Variants in HK1 observed in about 807,000 individuals in gnomAD.
The protein encoded by HK1 is hexokinase-1.
In HK1, 28 loss-of-function variants were observed where a neutral mutation model predicts 91.6. That is an observed-to-expected ratio of 0.31 (90% CI 0.23 to 0.42). The LOEUF (loss-of-function observed/expected upper bound fraction) is 0.42. HK1 is among the 10% of genes least tolerant of loss of function. The pLI, the probability that HK1 is intolerant of heterozygous loss-of-function variation, is 1.00. For synonymous variants in HK1, 430 were observed against 468.1 expected, an observed-to-expected ratio of 0.92 and a Z score of 1.05; for missense variants, 770 against 1,219.8, an observed-to-expected ratio of 0.63 and a Z score of 5.49.
chr10:69,275,661 C>G (rs1844401467), intron 1 of HK1, among the ~76,000 whole-genome samples: 1 of 152,128 alleles, frequency 6.6e-6, no homozygotes, highest in Admixed American at 6.6e-5. Flanking sequence ...AAATAAGTGA[C>G]AGGTTGGATT....
At chr10:69,325,647 C>A (rs1011973696) in intron 1 of HK1, among the ~76,000 whole-genome samples, 2 of 149,930 alleles carry the variant, frequency 1.3e-5, no homozygotes, top group Non-Finnish European at 3.0e-5. Context: ...TGCCTCAGTG[C>A]CCCCCCCTGC....
intron 2 of HK1, among the ~76,000 whole-genome samples, chr10:69,348,328 C>T (rs955548354): frequency 4.6e-5 from 7 of 152,158 alleles, no homozygotes; most frequent in East Asian, 1.9e-4. Context: ...TTCCAGTCAA[C>T]GGAAGGAAAA....
Position 69,369,983 on chromosome 10 carries a change from C to G in HK1, c.875+359C>G, listed in dbSNP as rs1849916095. ...AAACTCCTGACTTCAAGCGATCTGC[C>G]TGCCTCAGCCTCCCAAAATGCTGGG... On this transcript the variant is annotated intron_variant, in intron 7 of 17. Coordinates refer to ENST00000359426, the MANE Select transcript of HK1 (RefSeq NM_000188.3). The surrounding 1 kb of genome is among the most constrained non-coding windows in gnomAD (Gnocchi z 4.4). Among the ~76,000 whole-genome samples, 1 of 152,220 alleles carries G rather than the reference C, an allele frequency of 6.6e-6. No homozygotes were observed. The highest frequency in any genetic ancestry group is 1.5e-5 in the Non-Finnish European group (1 of 68,040).
intron 3 of HK1, among the ~76,000 whole-genome samples, chr10:69,363,420 C>T (rs1849538967): frequency 6.6e-6 from 1 of 152,196 alleles, no homozygotes. Flanking sequence ...ACTCTGCTGC[C>T]CAGGCTGGAG....
intron 5 of HK1, among the ~76,000 whole-genome samples, chr10:69,306,528 C>G (rs1217012188): frequency 6.6e-6 from 1 of 152,114 alleles, no homozygotes; most frequent in East Asian, 1.9e-4. Context: ...CCTGAACCCA[C>G]AGTTCACATG....
chr10:69,395,146 G>A (rs759232570), intron 16 of HK1, 41 bp downstream of exon 16: 1 of 1,603,454 alleles, frequency 6.2e-7, no homozygotes, highest in Non-Finnish European at 8.5e-7. Context: ...CCACCCTTCA[G>A]AGGTCGCCTG....
intron 3 of HK1, among the ~76,000 whole-genome samples, chr10:69,293,392 G>A (rs544833444): frequency 1.3e-5 from 2 of 152,284 alleles, no homozygotes; most frequent in African/African-American, 4.8e-5. Context: ...AAACAGGCCA[G>A]CTTGCACATG....
rs758819258 is a variant in HK1, at chr10:69,382,837, G to A, written c.1570+46G>A. The A allele has an allele frequency of 1.9e-6, 3 of 1,589,340 alleles. No individual in the cohort carries two copies. In the Admixed American group the frequency reaches 5.3e-5, roughly 28 times the overall value. ...GACATGCCTGTCCTGCTCCTGCCAG[G>A]AACTGAGCCGCAGTGGGGGAGGTTG... On this transcript the variant is annotated intron_variant, in intron 10 of 17. Coordinates refer to ENST00000359426, the MANE Select transcript of HK1 (RefSeq NM_000188.3).
intron 5 of HK1, among the ~76,000 whole-genome samples, chr10:69,305,799 G>A (rs779072063): frequency 2.6e-4 from 39 of 151,528 alleles, no homozygotes; most frequent in Non-Finnish European, 4.7e-4. Flanking sequence ...TTTGCAGTGA[G>A]CCGAGATGAT....
chr10:69,364,831 A>G lies in HK1; in HGVS notation c.424A>G (p.Lys142Glu). 1 of 1,614,138 alleles carries G rather than the reference A, an allele frequency of 6.2e-7. No individual in the cohort carries two copies. The highest frequency in any genetic ancestry group is 8.5e-7 in the Non-Finnish European group (1 of 1,179,990). Residue 142 changes from lysine (K) to glutamate (E), a missense_variant, in exon 4 of 18, where the codon AAG (lysine) becomes GAG (glutamate). Lys to Glu is a moderately conservative substitution (Grantham distance 56). Around this residue, in one of 7 missense-constraint regions of HK1, gnomAD observed 449 missense variants for 665.1 expected, o/e 0.68. Transcript: ENST00000359426. ...CCTGGGAGATTTCATGGAGAAAAGGAAGATCAAGGACAAGAAGTTACCTGT... is the reference window on the plus strand; with the variant it reads ...CCTGGGAGATTTCATGGAGAAAAGGGAGATCAAGGACAAGAAGTTACCTGT... ...ECLGDFMEKR[K>E]IKDKKLPVGF... is the part of the protein sequence containing the mutation.
Position 69,401,005 on chromosome 10 carries a change from T to G in HK1, c.2624T>G (p.Met875Arg). 6.2e-7 allele frequency: 1 copy of G among 1,614,252 alleles called. No individual in the cohort carries two copies. The highest frequency in any genetic ancestry group is 8.5e-7 in the Non-Finnish European group (1 of 1,180,040). Residue 875 changes from methionine to arginine, a missense_variant, in exon 18 of 18, where the codon ATG (methionine) becomes AGG (arginine). Met to Arg is a moderately conservative substitution (Grantham distance 91). Around this residue, in one of 7 missense-constraint regions of HK1, gnomAD observed 78 missense variants for 99.0 expected, o/e 0.79. Transcript: ENST00000359426. ...YKLHPHFSRI[M>R]HQTVKELSPK... is the part of the protein sequence containing the mutation. Reference sequence around the variant, plus strand: ...GTCCTTTTTAGCTTCTCCAGAATCATGCACCAGACGGTGAAGGAACTGTCA... The same window carrying G: ...GTCCTTTTTAGCTTCTCCAGAATCAGGCACCAGACGGTGAAGGAACTGTCA...
Position 69,369,666 on chromosome 10 carries a change from G to A in HK1, c.875+42G>A. 6.5e-7 allele frequency: 1 copy of A among 1,546,688 alleles called. No individual in the cohort carries two copies. Among genetic ancestry groups the A allele is most frequent in the African/African-American group, 1.4e-5 (1 of 73,650 alleles). On this transcript the variant is annotated intron_variant, in intron 7 of 17. Transcript: ENST00000359426. This position sits in a 1 kb window ranked among gnomAD's most constrained non-coding sequence, Gnocchi z 4.4. Reference sequence around the variant, plus strand: ...TGCTTCTAACCACATATGTGAGTTAGGGGACATTTGATGAAAGATTTGGGA... The same window carrying A: ...TGCTTCTAACCACATATGTGAGTTAAGGGACATTTGATGAAAGATTTGGGA...
intron 14 of HK1, among the ~76,000 whole-genome samples, chr10:69,389,613 T>C (rs1839805717): frequency 6.7e-6 from 1 of 150,024 alleles, no homozygotes; most frequent in Non-Finnish European, 1.5e-5. Context: ...GGAGCGGGCC[T>C]GGCAAACATG....
At position 69,280,693 on chromosome 10, in the gene HK1, T is replaced by C. The variant is rs75799665; in HGVS notation, c.-390-1836T>C. On this transcript the variant is annotated intron_variant, in intron 1 of 21. Transcript: ENST00000360289. ...AAGGCTGTCTTTGAGAAATGAGCCC[T>C]CACCAGGCAGGCACCAAATCTGCTG... Among the ~76,000 whole-genome samples, 263 of 152,284 alleles carry C rather than the reference T, an allele frequency of 1.7e-3. 2 individuals carry two copies. The highest frequency in any genetic ancestry group is 5.8e-3 in the African/African-American group (240 of 41,550).
intron 7 of HK1, among the ~76,000 whole-genome samples, chr10:69,373,178 G>A (rs1850107814): frequency 6.6e-6 from 1 of 152,134 alleles, no homozygotes; most frequent in South Asian, 2.1e-4. Context: ...CATTAACCAG[G>A]TTTTAAAATC....
intron 2 of HK1, among the ~76,000 whole-genome samples, chr10:69,355,809 G>GAA (rs952896052): frequency 3.6e-4 from 53 of 147,630 alleles, no homozygotes; most frequent in Admixed American, 3.0e-3. Flanking sequence ...ACTTTGTCTC[G>GAA]AAAAAAAAAA....
At chr10:69,390,548 A>G (rs181801932) in intron 14 of HK1, among the ~76,000 whole-genome samples, 209 of 152,280 alleles carry the variant, frequency 1.4e-3, no homozygotes, top group African/African-American at 4.9e-3. Context: ...CTTGGGTGAA[A>G]AGGGGGCTGA....
At chr10:69,383,190 A>C (rs149471370) in intron 10 of HK1, among the ~76,000 whole-genome samples, 80 of 152,334 alleles carry the variant, frequency 5.3e-4, no homozygotes, top group Middle Eastern at 3.4e-3. Context: ...TAAATGAATA[A>C]AAAAGAAGTG....
At chr10:69,304,873 C>T (rs1016629981) in intron 5 of HK1, among the ~76,000 whole-genome samples, 5 of 152,138 alleles carry the variant, frequency 3.3e-5, no homozygotes, top group Non-Finnish European at 7.3e-5. Context: ...CTGTAGGATT[C>T]ACATCTTGCT....
Sources: allele counts gnomAD v4.1 joint callset (sites outside exome capture counted in the v4.1 genomes callset), GRCh38; gene constraint gnomAD v4.1.1; regional missense constraint gnomAD v4.1.1; non-coding constraint Gnocchi (gnomAD v3.1); transcripts MANE v1.5; gene names NCBI Gene and HGNC (gene_info 2026-07-23, HGNC 2026-07-21).